DOK5: variants seen among roughly 807,000 people sequenced by gnomAD.
DOK5 encodes docking protein 5, also known as downstream of tyrosine kinase 5.
A neutral mutation model predicts 43.3 loss-of-function variants in DOK5; 27 were observed. That is an observed-to-expected ratio of 0.62 (90% CI 0.46 to 0.86). DOK5 has a LOEUF of 0.86. Ranked by LOEUF, DOK5 falls within the 40% of genes least tolerant of loss-of-function variation. The pLI is 0.00. For missense variants in DOK5, 373 were observed against 392.9 expected, an observed-to-expected ratio of 0.95 and a Z score of 0.43; for synonymous variants, 146 against 140.1, an observed-to-expected ratio of 1.04 and a Z score of -0.30.
chr20:54,502,797 T>C (rs1362789581), intron 1 of DOK5, among the ~76,000 whole-genome samples: 1 of 152,206 alleles, frequency 6.6e-6, no homozygotes, highest in Admixed American at 6.5e-5. Context: ...CAGCATGGTA[T>C]TTCATTGTGT....
At chr20:54,518,024 C>T (rs559979046) in intron 1 of DOK5, among the ~76,000 whole-genome samples, 5 of 152,138 alleles carry the variant, frequency 3.3e-5, no homozygotes, top group Admixed American at 2.0e-4. Flanking sequence ...GTTATTAAGC[C>T]CTTCCTTCTT....
chr20:54,558,686 C>T (rs1441202635), intron 2 of DOK5, among the ~76,000 whole-genome samples: 2 of 152,088 alleles, frequency 1.3e-5, no homozygotes, highest in Non-Finnish European at 2.9e-5. Flanking sequence ...AGGAAATGTA[C>T]ATCATGCTAT....
At chr20:54,507,986 G>A (rs1982873426) in intron 1 of DOK5, among the ~76,000 whole-genome samples, 1 of 152,176 alleles carries the variant, frequency 6.6e-6, no homozygotes, top group African/African-American at 2.4e-5. Flanking sequence ...TATGCAGAGA[G>A]TAGAATGTTA....
At chr20:54,645,147 G>A (rs1034584629) in intron 7 of DOK5, among the ~76,000 whole-genome samples, 3 of 151,838 alleles carry the variant, frequency 2.0e-5, no homozygotes, top group African/African-American at 7.3e-5. Context: ...TGGAAATAGA[G>A]TGCACTGGAC....
chr20:54,606,146 G>A (rs953831120), intron 5 of DOK5, among the ~76,000 whole-genome samples: 3 of 152,142 alleles, frequency 2.0e-5, no homozygotes, highest in Non-Finnish European at 4.4e-5. Flanking sequence ...TCCATGATTC[G>A]GAGTGACAGG....
chr20:54,481,009 CATCTATCT>C (rs1194246431), intron 1 of DOK5, among the ~76,000 whole-genome samples: 13 of 132,720 alleles, frequency 9.8e-5, no homozygotes, highest in Non-Finnish European at 1.6e-4. Context: ...TATCATCTAT[CATCTATCT>C]ATCTATCATC....
intron 1 of DOK5, among the ~76,000 whole-genome samples, chr20:54,545,858 T>C (rs1984325008): frequency 6.6e-6 from 1 of 152,142 alleles, no homozygotes; most frequent in African/African-American, 2.4e-5. Context: ...CAAACGCAAA[T>C]GTCACACTGA....
rs1209099638 is a variant in DOK5 at position 54,508,946 on chromosome 20, G to A, written c.66+32934G>A. Among the ~76,000 whole-genome samples the A allele has an allele frequency of 2.6e-5, 4 of 151,348 alleles. No individual in the cohort carries two copies. In the East Asian group the frequency reaches 5.8e-4, roughly 22 times the overall value. ...GGCTTAAGTGCAGTGACACGATCTCGGCTCACTGCAACCTCCGTCTCCCTG... is the reference window on the plus strand; with the variant it reads ...GGCTTAAGTGCAGTGACACGATCTCAGCTCACTGCAACCTCCGTCTCCCTG... On this transcript the variant is annotated intron_variant, in intron 1 of 7. Coordinates refer to ENST00000262593, the MANE Select transcript of DOK5 (RefSeq NM_018431.5).
At chr20:54,551,740 G>A (rs982922544) in intron 1 of DOK5, among the ~76,000 whole-genome samples, 1 of 152,096 alleles carries the variant, frequency 6.6e-6, no homozygotes. Flanking sequence ...AACTGTGCAG[G>A]ATGAAAACCA....
intron 2 of DOK5, among the ~76,000 whole-genome samples, chr20:54,584,109 G>A (rs948445127): frequency 6.6e-6 from 1 of 151,854 alleles, no homozygotes; most frequent in Non-Finnish European, 1.5e-5. Flanking sequence ...ACACCACTGT[G>A]CACAAGCCTG....
At chr20:54,534,150 G>A (rs1244784622) in intron 1 of DOK5, among the ~76,000 whole-genome samples, 2 of 152,318 alleles carry the variant, frequency 1.3e-5, no homozygotes, top group South Asian at 2.1e-4. Context: ...AGGGTGCAAA[G>A]CAGGGCTTAG....
At chr20:54,642,367 T>G (rs1487137434) in intron 6 of DOK5, among the ~76,000 whole-genome samples, 1 of 152,048 alleles carries the variant, frequency 6.6e-6, no homozygotes, top group East Asian at 1.9e-4. Flanking sequence ...ACTTTTATTT[T>G]TTCTTTCTGA....
intron 2 of DOK5, among the ~76,000 whole-genome samples, chr20:54,569,899 T>C (rs765064151): frequency 1.1e-4 from 17 of 152,202 alleles, no homozygotes; most frequent in Non-Finnish European, 1.8e-4. Flanking sequence ...AAACCATGTA[T>C]ATGGGGACTG....
At chr20:54,492,022 C>A (rs1363810955) in intron 1 of DOK5, among the ~76,000 whole-genome samples, 1 of 151,694 alleles carries the variant, frequency 6.6e-6, no homozygotes, top group Non-Finnish European at 1.5e-5. Flanking sequence ...ACTCTATCTA[C>A]AACAAAGGAT....
intron 6 of DOK5, among the ~76,000 whole-genome samples, chr20:54,634,765 T>G (rs562640735): frequency 1.3e-5 from 2 of 151,934 alleles, no homozygotes; most frequent in Admixed American, 1.3e-4. Flanking sequence ...TATCTGCTTT[T>G]TTTTTTTTGG....
At position 54,475,924 on chromosome 20, in the gene DOK5, G is replaced by GC. The variant is rs759132965; in HGVS notation, c.-23_-22insC. The GC allele has an allele frequency of 6.3e-7, 1 of 1,578,770 alleles. No individual in the cohort carries two copies. The highest frequency in any genetic ancestry group is 8.6e-7 in the Non-Finnish European group (1 of 1,165,532). ...CTTCGGGTGCGCGCTCTTGGGTAAA[G>GC]GGGGGGTCACCGGCTGTCTGGGATG... On this transcript the variant is annotated 5_prime_UTR_variant, in exon 1 of 8. Transcript: ENST00000262593. This position sits in a 1 kb window ranked among gnomAD's most constrained non-coding sequence, Gnocchi z 4.2.
At chr20:54,543,852 G>C (rs1984251399) in intron 1 of DOK5, among the ~76,000 whole-genome samples, 1 of 152,148 alleles carries the variant, frequency 6.6e-6, no homozygotes, top group African/African-American at 2.4e-5. Context: ...CATTTGCCAT[G>C]ATTAATTAAA....
chr20:54,519,606 T>C (rs1160511410), intron 1 of DOK5, among the ~76,000 whole-genome samples: 1 of 152,188 alleles, frequency 6.6e-6, no homozygotes, highest in Non-Finnish European at 1.5e-5. Context: ...GTAAGGCTTA[T>C]ATTCATTTTT....
chr20:54,500,498 A>G (rs1982553386), intron 1 of DOK5, among the ~76,000 whole-genome samples: 1 of 151,974 alleles, frequency 6.6e-6, no homozygotes, highest in African/African-American at 2.4e-5. Flanking sequence ...TTTTCTCCTA[A>G]ACATTGAAAG....
Sources: allele counts gnomAD v4.1 joint callset (sites outside exome capture counted in the v4.1 genomes callset), GRCh38; gene constraint gnomAD v4.1.1; non-coding constraint Gnocchi (gnomAD v3.1); transcripts MANE v1.5; gene names NCBI Gene and HGNC (gene_info 2026-07-23, HGNC 2026-07-21).